The following ZFPM1 variants were observed in gnomAD, a reference collection of about 807,000 sequenced individuals.
The protein encoded by ZFPM1 is zinc finger protein, FOG family member 1.
A neutral mutation model predicts 46.3 loss-of-function variants in ZFPM1; 28 were observed. The observed-to-expected ratio is 0.60, with a 90% CI of 0.45 to 0.83. The LOEUF (loss-of-function observed/expected upper bound fraction) is 0.83, where lower values mean the gene tolerates loss of function less well. ZFPM1 is among the 40% of genes least tolerant of loss of function. The pLI, the probability that ZFPM1 is intolerant of heterozygous loss-of-function variation, is 0.00. For synonymous variants in ZFPM1, 957 were observed against 675.9 expected (o/e 1.42, Z -6.45); for missense variants, 1,878 against 1,432.4 (o/e 1.31, Z -5.02).
At chr16:88,486,776 A>G (rs930669300) in intron 2 of ZFPM1, among the ~76,000 whole-genome samples, 1 of 145,336 alleles carries the variant, frequency 6.9e-6, no homozygotes, top group Admixed American at 6.8e-5. Flanking sequence ...TACTGGGTGC[A>G]AGTGGGTGCT....
At chr16:88,493,945 C>T (rs1013441309) in intron 3 of ZFPM1, among the ~76,000 whole-genome samples, 1 of 152,192 alleles carries the variant, frequency 6.6e-6, no homozygotes, top group African/African-American at 2.4e-5. Context: ...GGAGCACAGG[C>T]CCTATAGTCC....
chr16:88,510,968 T>C (rs1279587900), intron 3 of ZFPM1, among the ~76,000 whole-genome samples: 1 of 152,150 alleles, frequency 6.6e-6, no homozygotes, highest in African/African-American at 2.4e-5. Flanking sequence ...GGCACTCATG[T>C]TGGGTTCGTG....
At chr16:88,492,193 C>G (rs79319808) in intron 3 of ZFPM1, among the ~76,000 whole-genome samples, 2 of 151,894 alleles carry the variant, frequency 1.3e-5, no homozygotes, top group South Asian at 2.1e-4. Flanking sequence ...CTTTCTCTCT[C>G]TCTCTCTCTG....
chr16:88,456,721 G>A (rs528252831), intron 1 of ZFPM1, among the ~76,000 whole-genome samples: 2 of 152,356 alleles, frequency 1.3e-5, no homozygotes, highest in South Asian at 4.1e-4. Context: ...CAGCAGGTGC[G>A]AGTGAGGTCG....
intron 3 of ZFPM1, among the ~76,000 whole-genome samples, chr16:88,490,822 G>A (rs1360541073): frequency 6.6e-6 from 1 of 152,182 alleles, no homozygotes; most frequent in Non-Finnish European, 1.5e-5. Context: ...GGCTCCCCCT[G>A]CTGTCCCCCA....
At position 88,501,851 on chromosome 16, in the gene ZFPM1, C is replaced by G. The variant is rs1233971778; in HGVS notation, c.269-12536C>G. Among the ~76,000 whole-genome samples the G allele has an allele frequency of 3.9e-5, 6 of 152,090 alleles. No individual in the cohort carries two copies. The East Asian group carries it at 1.2e-3, about 29-fold the overall frequency. ...GGGCGTGGGTGCAGGGCCCTCCTGCCACTGCTGTTTGCCATGGGATCAACC... is the reference window on the plus strand; with the variant it reads ...GGGCGTGGGTGCAGGGCCCTCCTGCGACTGCTGTTTGCCATGGGATCAACC... On this transcript the variant is annotated intron_variant, in intron 3 of 9. Coordinates refer to ENST00000319555, the MANE Select transcript of ZFPM1 (RefSeq NM_153813.3).
At chr16:88,528,008 G>A (rs1372083772) in intron 5 of ZFPM1, 24 bp from the exon 6 acceptor site, 3 of 1,521,152 alleles carry the variant, frequency 2.0e-6, no homozygotes, top group Non-Finnish European at 2.7e-6. Flanking sequence ...AAAGTCCTAG[G>A]TTTGGACACC....
rs1047352943 is a variant in ZFPM1, at chr16:88,533,130, C to G, written c.1190-18C>G. ...CCTGCCCCAGGCCTGAGGTGCCACC[C>G]CTGCGATCTCTCTGCAGACAGTCTG... On this transcript the variant is annotated intron_variant, in intron 9 of 9. Coordinates refer to ENST00000319555, the MANE Select transcript of ZFPM1 (RefSeq NM_153813.3). 2.0e-6 allele frequency: 3 copies of G among 1,475,602 alleles called. No homozygotes were observed. In the African/African-American group the frequency reaches 4.2e-5, roughly 21 times the overall value. The allele number at this position is 1,475,602 out of a possible 1,614,324, so 91.4% of individuals were successfully genotyped here. A position where few individuals can be genotyped will look rare whatever the true frequency, so the allele number is the denominator to read the frequency against.
At chr16:88,466,908 A>G (rs1908158801) in intron 1 of ZFPM1, among the ~76,000 whole-genome samples, 1 of 152,084 alleles carries the variant, frequency 6.6e-6, no homozygotes, top group Admixed American at 6.5e-5. Context: ...ATTAGGGCAG[A>G]AGTGGGTAAA....
intron 3 of ZFPM1, among the ~76,000 whole-genome samples, chr16:88,507,898 C>A (rs535864142): frequency 6.6e-6 from 1 of 152,330 alleles, no homozygotes; most frequent in Non-Finnish European, 1.5e-5. Flanking sequence ...ACTCGGGGGC[C>A]TCCAGCAGCC....
Position 88,533,711 on chromosome 16 carries a change from A to G in ZFPM1, c.1753A>G (p.Thr585Ala). Reference sequence around the variant, plus strand: ...CGCTACGTGCTTCGAGTGCGAGATCACCTTCAGCAACGTCAACAACTACTA... The same window carrying G: ...CGCTACGTGCTTCGAGTGCGAGATCGCCTTCAGCAACGTCAACAACTACTA... ...KGATCFECEITFSNVNNYYVH... is the reference protein window; with the variant it reads ...KGATCFECEIAFSNVNNYYVH... Residue 585 changes from threonine (T) to alanine (A), a missense_variant, in exon 10 of 10, where the codon ACC (threonine) becomes GCC (alanine). Transcript: ENST00000319555. The G allele has an allele frequency of 1.3e-6, 2 of 1,511,014 alleles. No individual in the cohort carries two copies. The highest frequency in any genetic ancestry group is 1.8e-6 in the Non-Finnish European group (2 of 1,124,454). The allele number at this position is 1,511,014 out of a possible 1,614,324, so 93.6% of individuals were successfully genotyped here.
At position 88,532,946 on chromosome 16, in the gene ZFPM1, C is replaced by T. The variant is rs773295380; in HGVS notation, c.1189+11C>T. The T allele has an allele frequency of 4.3e-6, 7 of 1,612,668 alleles. No homozygotes were observed. The highest frequency in any genetic ancestry group is 1.3e-5 in the African/African-American group (1 of 75,050). On this transcript the variant is annotated intron_variant, in intron 9 of 9. Transcript: ENST00000319555. ...CCAAGCTGCCCCCAGGTGAGCAGCC[C>T]TGTGGGGGCCACCCCTGCCCCTTAG...
intron 3 of ZFPM1, among the ~76,000 whole-genome samples, chr16:88,507,317 G>A (rs940631992): frequency 3.3e-5 from 5 of 152,122 alleles, no homozygotes; most frequent in South Asian, 4.1e-4. Flanking sequence ...CCATGTCCCC[G>A]CCTCCAGAGC....
Position 88,534,046 on chromosome 16 carries a change from G to C in ZFPM1, c.2088G>C (p.Glu696Asp), listed in dbSNP as rs763476585. The change falls in exon 10 of 10, where the codon GAG becomes GAC. Residue 696 changes from glutamate to aspartate, a missense_variant. By Grantham distance (45) the Glu-to-Asp change is conservative (BLOSUM62 2). Transcript: ENST00000319555. ...GCAACATCCGCTTCAGCCGCCACGA[G>C]ACCTACACCGTGCACAAGCGGTACT... Reference protein sequence around the residue: ...EACNIRFSRHETYTVHKRYYC... With the variant: ...EACNIRFSRHDTYTVHKRYYC... 8 of 1,321,802 alleles carry C rather than the reference G, an allele frequency of 6.1e-6. No homozygotes were observed. In the East Asian group the frequency reaches 1.4e-4, roughly 24 times the overall value. The allele number at this position is 1,321,802 out of a possible 1,614,324, so 81.9% of individuals were successfully genotyped here.
chr16:88,513,507 C>G (rs1260149551), intron 3 of ZFPM1, among the ~76,000 whole-genome samples: 3 of 152,172 alleles, frequency 2.0e-5, no homozygotes, highest in Non-Finnish European at 4.4e-5. Context: ...TCTGTGGGCC[C>G]AGGCAGCCCT....
intron 9 of ZFPM1, 97 bp from the exon 10 acceptor site, chr16:88,533,051 T>TGG: frequency 2.5e-4 from 332 of 1,349,906 alleles, no homozygotes; most frequent in Non-Finnish European, 3.1e-4. Flanking sequence ...TCTAAACCAC[T>TGG]CCCGCCCACC....
At chr16:88,507,435 G>C (rs1400629335) in intron 3 of ZFPM1, among the ~76,000 whole-genome samples, 3 of 152,166 alleles carry the variant, frequency 2.0e-5, no homozygotes, top group Non-Finnish European at 4.4e-5. Context: ...TTGGCATTCA[G>C]GTGTGGCTTG....
chr16:88,505,144 TG>T (rs2142409251), intron 3 of ZFPM1, among the ~76,000 whole-genome samples: 1 of 152,286 alleles, frequency 6.6e-6, no homozygotes, highest in African/African-American at 2.4e-5. Context: ...CTGCAGCACC[TG>T]GGGCCGGCCC....
chr16:88,534,128 CCTGGGCCGGCCGCGCCCCCGGCCCCCT>C lies in ZFPM1; in HGVS notation c.2173_2199del (p.Gly725_Ser733del). The stretch of plus-strand genomic sequence containing the variant: ...CCGACCGGCCGCGCCCCCGGGACCC[CCTGGGCCGGCCGCGCCCCCGGCCCCCT>C]CTCCCGCCGCGCCTGTGCGCACGCG... On this transcript the variant is annotated inframe_deletion, in exon 10 of 10. Transcript: ENST00000319555. The C allele has an allele frequency of 9.9e-7, 1 of 1,009,718 alleles. No homozygotes were observed. The highest frequency in any genetic ancestry group is 1.2e-6 in the Non-Finnish European group (1 of 845,702). 62.5% of individuals were successfully genotyped at this position (1,009,718 alleles called of 1,614,324 possible). A position where few individuals can be genotyped will look rare whatever the true frequency, so the allele number is the denominator to read the frequency against.
Sources: allele counts gnomAD v4.1 joint callset (sites outside exome capture counted in the v4.1 genomes callset), GRCh38; gene constraint gnomAD v4.1.1; transcripts MANE v1.5; gene names NCBI Gene and HGNC (gene_info 2026-07-23, HGNC 2026-07-21).